Variants in SLC25A43 observed in about 807,000 individuals in gnomAD.
SLC25A43 encodes solute carrier family 25, member 43.
In SLC25A43, 10 loss-of-function variants were observed where a neutral mutation model predicts 22.8. That is an observed-to-expected ratio of 0.44 (90% CI 0.27 to 0.74). SLC25A43 has a LOEUF of 0.74. Ranked by LOEUF, SLC25A43 falls within the 30% of genes least tolerant of loss-of-function variation. The pLI, the probability that SLC25A43 is intolerant of heterozygous loss-of-function variation, is 0.17. For missense variants in SLC25A43, 233 were observed against 279.1 expected, an observed-to-expected ratio of 0.83 and a Z score of 1.18; for synonymous variants, 106 against 121.6, an observed-to-expected ratio of 0.87 and a Z score of 0.84.
At chrX:119,450,340 C>A (rs963602274) in intron 3 of SLC25A43, among the ~76,000 whole-genome samples, 1 of 111,882 alleles carries the variant, frequency 8.9e-6, no homozygotes, top group African/African-American at 3.2e-5. Context: ...CAATGGAATA[C>A]ATTTCATTTA....
At chrX:119,430,242 T>G (rs2052541326) in intron 3 of SLC25A43, among the ~76,000 whole-genome samples, 1 of 112,797 alleles carries the variant, frequency 8.9e-6, no homozygotes, top group South Asian at 3.6e-4. Context: ...ATACTTGTCT[T>G]TCTTACAAGT....
At chrX:119,441,667 C>G (rs1487334671) in intron 3 of SLC25A43, among the ~76,000 whole-genome samples, 1 of 111,306 alleles carries the variant, frequency 9.0e-6, no homozygotes, top group Admixed American at 9.5e-5. Flanking sequence ...AGTACCTGCT[C>G]CACCGGGCCC....
At chrX:119,432,938 A>G (rs1282492793) in intron 3 of SLC25A43, among the ~76,000 whole-genome samples, 5 of 108,359 alleles carry the variant, frequency 4.6e-5, no homozygotes, top group Non-Finnish European at 9.5e-5. Flanking sequence ...GTGAATCCCC[A>G]TCTCTACTAA....
chrX:119,448,389 C>A (rs146790156), intron 3 of SLC25A43, among the ~76,000 whole-genome samples: 3 of 111,646 alleles, frequency 2.7e-5, no homozygotes, highest in Admixed American at 1.9e-4. Flanking sequence ...CATAACCCCC[C>A]CCAGTGACCA....
At chrX:119,416,075 T>A (rs1349255283) in intron 3 of SLC25A43, among the ~76,000 whole-genome samples, 2 of 109,820 alleles carry the variant, frequency 1.8e-5, no homozygotes, top group Non-Finnish European at 3.8e-5. Flanking sequence ...GTTTTTTTTT[T>A]AATAGTTTAC....
intron 3 of SLC25A43, among the ~76,000 whole-genome samples, chrX:119,444,281 C>T (rs1252171948): frequency 1.8e-5 from 2 of 111,551 alleles, no homozygotes; most frequent in Admixed American, 9.6e-5. Flanking sequence ...TTAAAGCCTG[C>T]TGAAGTACTT....
chrX:119,421,711 T>C (rs1229694040), intron 3 of SLC25A43, among the ~76,000 whole-genome samples: 1 of 112,037 alleles, frequency 8.9e-6, no homozygotes, highest in Non-Finnish European at 1.9e-5. Context: ...CCTATCTTGA[T>C]GGATCAAGGT....
rs181897832 is a variant in SLC25A43 at position 119,416,508 on chromosome X, C to T, written c.690+6146C>T. Among the ~76,000 whole-genome samples the T allele has an allele frequency of 5.8e-3, 649 of 112,519 alleles. 6 individuals are homozygous for T. The highest frequency in any genetic ancestry group is 0.02 in the African/African-American group (624 of 31,020). On this transcript the variant is annotated intron_variant, in intron 3 of 4. Transcript: ENST00000217909. ...TGCTGGGATTACAGGCGTGAGCCACCGTCCCCGGCCAAAAAACACCTTTTA... is the reference window on the plus strand; with the variant it reads ...TGCTGGGATTACAGGCGTGAGCCACTGTCCCCGGCCAAAAAACACCTTTTA...
chrX:119,430,235 C>T (rs1486636554), intron 3 of SLC25A43, among the ~76,000 whole-genome samples: 2 of 112,542 alleles, frequency 1.8e-5, no homozygotes, highest in Non-Finnish European at 3.7e-5. Context: ...CTTCAGCATA[C>T]TTGTCTTTCT....
chrX:119,403,838 GA>G (rs984389171), intron 1 of SLC25A43, among the ~76,000 whole-genome samples: 1 of 109,975 alleles, frequency 9.1e-6, no homozygotes, highest in Non-Finnish European at 1.9e-5. Flanking sequence ...TGAGTGTGGG[GA>G]ACCCCACACT....
At chrX:119,418,680 T>C (rs1439218386) in intron 3 of SLC25A43, among the ~76,000 whole-genome samples, 1 of 112,325 alleles carries the variant, frequency 8.9e-6, no homozygotes, top group Non-Finnish European at 1.9e-5. Flanking sequence ...CCTTGGCTCC[T>C]GGCTGGCATG....
intron 2 of SLC25A43, among the ~76,000 whole-genome samples, chrX:119,407,144 T>C (rs1331024966): frequency 8.9e-6 from 1 of 112,260 alleles, no homozygotes; most frequent in African/African-American, 3.2e-5. Context: ...GTTGCAGCAT[T>C]TGATAAGGTT....
At chrX:119,409,408 C>T (rs989695972) in intron 2 of SLC25A43, among the ~76,000 whole-genome samples, 1 of 107,491 alleles carries the variant, frequency 9.3e-6, no homozygotes, top group Non-Finnish European at 1.9e-5. Flanking sequence ...TTAGTAGAGA[C>T]GAGGTCAGGC....
At chrX:119,433,190 G>T (rs2052569231) in intron 3 of SLC25A43, among the ~76,000 whole-genome samples, 1 of 112,074 alleles carries the variant, frequency 8.9e-6, no homozygotes, top group Non-Finnish European at 1.9e-5. Flanking sequence ...TTCAGGATGA[G>T]GTGGCATCTG....
chrX:119,417,715 A>G (rs1481150813), intron 3 of SLC25A43, among the ~76,000 whole-genome samples: 1 of 109,548 alleles, frequency 9.1e-6, no homozygotes, highest in African/African-American at 3.3e-5. Context: ...CTTCCAAATA[A>G]TGCATATATA....
At chrX:119,412,170 A>T (rs185365486) in intron 3 of SLC25A43, among the ~76,000 whole-genome samples, 77 of 111,510 alleles carry the variant, frequency 6.9e-4, no homozygotes, top group African/African-American at 2.4e-3. Context: ...GAAGGTGCTT[A>T]TCAAAGCTGC....
intron 3 of SLC25A43, among the ~76,000 whole-genome samples, chrX:119,421,164 T>A (rs897836729): frequency 1.0e-5 from 1 of 95,592 alleles, no homozygotes; most frequent in Non-Finnish European, 2.1e-5. Context: ...TTCCGAGCCA[T>A]CATGGCTTTC....
intron 3 of SLC25A43, among the ~76,000 whole-genome samples, chrX:119,451,581 T>C (rs1569378899): frequency 8.9e-6 from 1 of 111,925 alleles, no homozygotes; most frequent in Non-Finnish European, 1.9e-5. Flanking sequence ...CAATGCTCCC[T>C]ACCCTGTCAC....
intron 3 of SLC25A43, among the ~76,000 whole-genome samples, chrX:119,428,145 G>GT (rs1433253857): frequency 2.7e-5 from 3 of 111,278 alleles, no homozygotes; most frequent in Non-Finnish European, 3.8e-5. Flanking sequence ...TCTGTGCCCT[G>GT]TTTTTTTTCC....
Sources: allele counts gnomAD v4.1 joint callset (sites outside exome capture counted in the v4.1 genomes callset), GRCh38; gene constraint gnomAD v4.1.1; transcripts MANE v1.5; gene names NCBI Gene and HGNC (gene_info 2026-07-23, HGNC 2026-07-21).